C12orf42: variants seen among roughly 807,000 people sequenced by gnomAD.
C12orf42 encodes the protein uncharacterized protein C12orf42.
C12orf42 carries 25 observed loss-of-function variants against 21.6 expected under a neutral mutation model. The ratio of observed to expected loss-of-function variants is 1.16; its 90% CI spans 0.84 to 1.62. The LOEUF is 1.62. Among genes scored for constraint, C12orf42 ranks in the 40% most tolerant of loss-of-function variants. C12orf42 has a pLI of 0.00. For missense variants in C12orf42, 483 were observed against 459.3 expected (o/e 1.05, Z -0.47); for synonymous variants, 174 against 175.0 (o/e 0.99, Z 0.05).
chr12:103,303,418 T>C (rs1372455980), intron 5 of C12orf42, among the ~76,000 whole-genome samples: 1 of 152,132 alleles, frequency 6.6e-6, no homozygotes, highest in Non-Finnish European at 1.5e-5. Context: ...CAAATTAAAA[T>C]CTAATTCTTC....
chr12:103,221,645 A>C, the C12orf42 span, among the ~76,000 whole-genome samples: 1 of 152,192 alleles, frequency 6.6e-6, no homozygotes, highest in Non-Finnish European at 1.5e-5. Flanking sequence ...CCTTTTAAGC[A>C]TCATGATACA....
chr12:103,233,695 C>T (rs1195121614), downstream of C12orf42, among the ~76,000 whole-genome samples: 2 of 152,052 alleles, frequency 1.3e-5, no homozygotes, highest in African/African-American at 2.4e-5. Context: ...TTATTAGTTC[C>T]GGGAGTTTTT....
the C12orf42 span, chr12:103,558,603 TTC>T: frequency 1.3e-5 from 2 of 152,234 alleles, no homozygotes; most frequent in African/African-American, 2.4e-5. Context: ...TAGCACTGTA[TTC>T]TGTTTATTTC....
chr12:103,438,830 A>G (rs10778249), intron 2 of C12orf42, among the ~76,000 whole-genome samples: 123,338 of 149,494 alleles, frequency 0.83, 50,935 homozygotes, highest in Admixed American at 0.88. Flanking sequence ...TGGCCATACC[A>G]CCCAAGGTAA....
chr12:103,474,202 A>C (rs1823379913), intron 2 of C12orf42, among the ~76,000 whole-genome samples: 1 of 152,178 alleles, frequency 6.6e-6, no homozygotes, highest in South Asian at 2.1e-4. Flanking sequence ...AAGCTCTAGG[A>C]AGGCAGACAC....
chr12:103,136,167 A>G, the C12orf42 span, among the ~76,000 whole-genome samples: 2 of 152,172 alleles, frequency 1.3e-5, no homozygotes, highest in East Asian at 3.8e-4. Flanking sequence ...TCACAAAAAA[A>G]CCTCTTAGGT....
At chr12:103,326,405 TCA>T (rs2040708821) in intron 4 of C12orf42, among the ~76,000 whole-genome samples, 1 of 152,222 alleles carries the variant, frequency 6.6e-6, no homozygotes, top group Admixed American at 6.5e-5. Context: ...AAAAGCTAAA[TCA>T]GATCCTGTTG....
chr12:103,424,540 A>C (rs1949643121), intron 2 of C12orf42, among the ~76,000 whole-genome samples: 1 of 152,210 alleles, frequency 6.6e-6, no homozygotes, highest in Non-Finnish European at 1.5e-5. Flanking sequence ...GAAGCAGGGC[A>C]GGGCAACACC....
At chr12:103,237,156 C>G (rs2033493802), downstream of C12orf42, among the ~76,000 whole-genome samples, 1 of 152,182 alleles carries the variant, frequency 6.6e-6, no homozygotes, top group Admixed American at 6.5e-5. Flanking sequence ...CACAGGCAAT[C>G]TGGCCTAAGA....
At chr12:103,095,678 C>T in the C12orf42 span, among the ~76,000 whole-genome samples, 2 of 152,074 alleles carry the variant, frequency 1.3e-5, no homozygotes, top group African/African-American at 2.4e-5. Flanking sequence ...ACAAAATTTC[C>T]ACGGAGGCAG....
intron 4 of C12orf42, among the ~76,000 whole-genome samples, chr12:103,352,408 A>C (rs2043176874): frequency 6.6e-6 from 1 of 152,172 alleles, no homozygotes; most frequent in Non-Finnish European, 1.5e-5. Flanking sequence ...ATATCAAAGT[A>C]TCCATATATC....
intron 4 of C12orf42, among the ~76,000 whole-genome samples, chr12:103,281,558 A>C (rs1043382816): frequency 9.2e-5 from 14 of 152,040 alleles, no homozygotes; most frequent in Non-Finnish European, 1.9e-4. Flanking sequence ...GGGTTTCACC[A>C]TGTTAGCCAG....
At chr12:103,084,167 T>C in the C12orf42 span, among the ~76,000 whole-genome samples, 3 of 152,228 alleles carry the variant, frequency 2.0e-5, no homozygotes, top group Non-Finnish European at 2.9e-5. Flanking sequence ...TTCTTGTGCA[T>C]TTTTCATTCT....
At chr12:103,388,846 T>C (rs961630304) in intron 3 of C12orf42, among the ~76,000 whole-genome samples, 13 of 152,196 alleles carry the variant, frequency 8.5e-5, no homozygotes, top group Non-Finnish European at 1.9e-4. Flanking sequence ...CTCCGCCTCC[T>C]CCTCCTTCTC....
At chr12:103,501,633 T>G in the C12orf42 span, among the ~76,000 whole-genome samples, 2 of 152,334 alleles carry the variant, frequency 1.3e-5, no homozygotes, top group South Asian at 4.1e-4. Context: ...GTCCAGACTG[T>G]GTACATTGCG....
At chr12:103,292,459 T>C (rs1227970703) in intron 4 of C12orf42, among the ~76,000 whole-genome samples, 2 of 151,992 alleles carry the variant, frequency 1.3e-5, no homozygotes, top group African/African-American at 4.8e-5. Context: ...ATCAAATCTT[T>C]GTGGCTTAAA....
chr12:103,264,390 G>C (rs1375756295), downstream of C12orf42, among the ~76,000 whole-genome samples: 3 of 152,138 alleles, frequency 2.0e-5, no homozygotes, highest in Non-Finnish European at 4.4e-5. Flanking sequence ...TCATTTGACT[G>C]CTCTGTCCCA....
the C12orf42 span, among the ~76,000 whole-genome samples, chr12:103,229,982 C>A: frequency 2.6e-5 from 4 of 152,132 alleles, no homozygotes; most frequent in Non-Finnish European, 5.9e-5. Context: ...AGTTTGTAAA[C>A]CTGACAATTT....
intron 10 of C12orf42, among the ~76,000 whole-genome samples, chr12:103,243,746 T>C (rs2033872303): frequency 6.6e-6 from 1 of 152,292 alleles, no homozygotes; most frequent in Admixed American, 6.5e-5. Flanking sequence ...TTTATCCCTT[T>C]TTCTCAGCTG....
Sources: gnomAD v4.1 joint callset for allele counts (sites outside exome capture counted in the v4.1 genomes callset) on GRCh38, gnomAD v4.1.1 for gene constraint, MANE v1.5 for transcripts, NCBI Gene and HGNC (gene_info 2026-07-23, HGNC 2026-07-21) for gene names.